Variants in GEN1 observed in about 807,000 individuals in gnomAD.
GEN1 encodes GEN1 structure-specific endonuclease.
In GEN1, 64 loss-of-function variants were observed where a neutral mutation model predicts 67.6. The ratio of observed to expected loss-of-function variants is 0.95; its 90% CI spans 0.77 to 1.17. GEN1 has a LOEUF of 1.17. GEN1 is among the 50% of genes most tolerant of loss of function. GEN1 has a pLI of 0.00. For missense variants in GEN1, 1,058 were observed against 1,048.3 expected (o/e 1.01, Z -0.13); for synonymous variants, 371 against 359.4 (o/e 1.03, Z -0.37).
rs1341378785 is a variant in GEN1, at chr2:17,781,836, T to C, written c.2624T>C (p.Leu875Pro). The stretch of plus-strand genomic sequence containing the variant: ...TTCCCAGATTCAACAAAAAGTTCTC[T>C]GAGTTCTCTACAATGTCATAAGAAA... ...SCFPDSTKSSLSSLQCHKKEN... is the reference protein window; with the variant it reads ...SCFPDSTKSSPSSLQCHKKEN... Residue 875 changes from leucine (L) to proline (P), a missense_variant, in exon 14 of 14, where the codon CTG (leucine) becomes CCG (proline). Leu to Pro is a moderately conservative substitution (Grantham distance 98). Coordinates refer to ENST00000381254, the MANE Select transcript of GEN1 (RefSeq NM_001130009.3). The C allele has an allele frequency of 2.5e-6, 4 of 1,612,492 alleles. No individual in the cohort carries two copies. The highest frequency in any genetic ancestry group is 1.7e-4 in the Middle Eastern group (1 of 6,052).
intron 6 of GEN1, among the ~76,000 whole-genome samples, chr2:17,769,449 G>A (rs1672085692): frequency 1.3e-5 from 2 of 152,062 alleles, no homozygotes; most frequent in South Asian, 4.1e-4. Context: ...GTGCATTTAT[G>A]TATGACCATG....
chr2:17,781,048 A>C lies in GEN1; in HGVS notation c.1836A>C (p.Ser612=). The change falls in exon 14 of 14, where the codon TCA becomes TCC. Residue 612 remains serine (S), a synonymous_variant. Coordinates refer to ENST00000381254, the MANE Select transcript of GEN1 (RefSeq NM_001130009.3). ...QRNTFSHDLK[S]EVESELSAIP... ...ATACTTTTTCTCATGATTTAAAATC[A>C]GAAGTTGAATCAGAGCTATCAGCCA... 6.2e-7 allele frequency: 1 copy of C among 1,613,960 alleles called. No homozygotes were observed. The highest frequency in any genetic ancestry group is 8.5e-7 in the Non-Finnish European group (1 of 1,179,846).
chr2:17,781,460 G>T lies in GEN1; in HGVS notation c.2248G>T (p.Val750Phe), dbSNP rs1047211166. The change falls in exon 14 of 14, where the codon GTC becomes TTC. Residue 750 changes from valine (V) to phenylalanine (F), a missense_variant. Val to Phe is a conservative substitution (Grantham distance 50). Transcript: ENST00000381254. ...CCAGCTGCTTCAAGAAGACTATAAA[G>T]TCAATACTTCTGTCCCTTATTCTGT... ...GDQLLQEDYK[V>F]NTSVPYSVSN... 3.1e-6 allele frequency: 5 copies of T among 1,613,508 alleles called. No individual in the cohort carries two copies. Among genetic ancestry groups the T allele is most frequent in the Non-Finnish European group, 4.2e-6 (5 of 1,179,896 alleles).
In GEN1 at chr2:17,774,304, C is replaced by A. The variant is rs969651428; in HGVS notation, c.1105C>A (p.His369Asn). 6.3e-7 allele frequency: 1 copy of A among 1,587,770 alleles called. No individual in the cohort carries two copies. The highest frequency in any genetic ancestry group is 1.1e-5 in the South Asian group (1 of 88,210). Reference protein sequence around the residue: ...FTLEKMEWPNHYACEKLLVLL... With the variant: ...FTLEKMEWPNNYACEKLLVLL... ...TCTTGAAAAAATGGAGTGGCCCAAT[C>A]ACTATGCATGTGAGAAATTGCTGGT... is the stretch of plus-strand genomic sequence containing the variant. The change falls in exon 11 of 14, where the codon CAC becomes AAC. Residue 369 changes from histidine to asparagine, a missense_variant. By Grantham distance (68) the His-to-Asn change is moderately conservative. Transcript: ENST00000381254.
intron 3 of GEN1, among the ~76,000 whole-genome samples, chr2:17,764,205 G>A (rs180860408): frequency 2.5e-3 from 378 of 152,240 alleles, no homozygotes; most frequent in African/African-American, 7.0e-3. Context: ...TGACTTCTCC[G>A]CAGTTTCCCA....
chr2:17,761,269 C>G (rs1470498130), intron 2 of GEN1, 127 bp from the exon 3 acceptor site: 3 of 595,596 alleles, frequency 5.0e-6, no homozygotes, highest in Non-Finnish European at 8.9e-6. Flanking sequence ...CTAATTAAAG[C>G]TTAAGTAAAA....
chr2:17,768,937 GTTTGA>G, intron 6 of GEN1, 126 bp downstream of exon 6: 9 of 506,516 alleles, frequency 1.8e-5, no homozygotes, highest in Middle Eastern at 5.1e-4. Flanking sequence ...CCTATATTTT[GTTTGA>G]TTTAAGATAA....
intron 7 of GEN1, among the ~76,000 whole-genome samples, chr2:17,772,272 C>A (rs1181661623): frequency 1.3e-5 from 2 of 151,986 alleles, no homozygotes; most frequent in African/African-American, 2.4e-5. Context: ...AGTAAATAAT[C>A]TTTTTTGCTA....
chr2:17,762,511 T>C lies in GEN1; in HGVS notation c.348+929T>C, dbSNP rs140725622. Among the ~76,000 whole-genome samples the C allele has an allele frequency of 5.9e-5, 9 of 152,188 alleles. No individual in the cohort carries two copies. In the East Asian group the frequency reaches 1.5e-3, roughly 26 times the overall value. The stretch of plus-strand genomic sequence containing the variant: ...TGTGAGCCCCTGTGCCTGGCCTTTT[T>C]TGTCTGTTTTCAAATGTGTGTATTT... On this transcript the variant is annotated intron_variant, in intron 3 of 13. Transcript: ENST00000381254.
At position 17,757,484 on chromosome 2, in the gene GEN1, A is replaced by G. The variant is rs147207782; in HGVS notation, c.-15-2445A>G. 3.2e-3 allele frequency among the ~76,000 whole-genome samples: 491 copies of G among 152,218 alleles called. 4 individuals are homozygous for G. The highest frequency in any genetic ancestry group is 0.011 in the African/African-American group (457 of 41,550). Reference sequence around the variant, plus strand: ...TGTGTGCCATCATAAACATCACTGCACTAGGTGGCAATCTTCACTACTATT... The same window carrying G: ...TGTGTGCCATCATAAACATCACTGCGCTAGGTGGCAATCTTCACTACTATT... On this transcript the variant is annotated intron_variant, in intron 1 of 13. Coordinates refer to ENST00000381254, the MANE Select transcript of GEN1 (RefSeq NM_001130009.3).
intron 3 of GEN1, 85 bp from the exon 4 acceptor site, chr2:17,764,812 T>C (rs762297788): frequency 1.9e-5 from 24 of 1,231,238 alleles, no homozygotes; most frequent in Non-Finnish European, 2.6e-5. Flanking sequence ...ACTATTAATA[T>C]TTGTAATACA....
intron 4 of GEN1, among the ~76,000 whole-genome samples, chr2:17,765,500 A>G (rs967635041): frequency 6.6e-6 from 1 of 152,240 alleles, no homozygotes; most frequent in Non-Finnish European, 1.5e-5. Context: ...GGACATGGTT[A>G]AATCCTTCAC....
intron 11 of GEN1, among the ~76,000 whole-genome samples, chr2:17,775,932 A>G (rs1310473626): frequency 2.6e-5 from 4 of 151,870 alleles, no homozygotes; most frequent in Non-Finnish European, 5.9e-5. Context: ...TGAGCTCAGG[A>G]GTTCAAGACC....
In GEN1 at chr2:17,778,167, G is replaced by C. The variant is rs1425630079; in HGVS notation, c.1264+104G>C. 102 of 441,810 alleles carry C rather than the reference G, an allele frequency of 2.3e-4. No individual in the cohort carries two copies. The African/African-American group carries it at 2.7e-3, about 12-fold the overall frequency. The allele number at this position is 441,810 out of a possible 1,614,324, so 27.4% of individuals were successfully genotyped here. On this transcript the variant is annotated intron_variant, in intron 12 of 13. Transcript: ENST00000381254. ...ATATATATATATACACACACACATA[G>C]ATATGTGTATATATATATATACACA...
rs549330506 is a variant in GEN1 at position 17,787,041 on chromosome 2, G to C, written c.*5102G>C. On this transcript the variant is annotated 3_prime_UTR_variant, in exon 14 of 14. Coordinates refer to ENST00000381254, the MANE Select transcript of GEN1 (RefSeq NM_001130009.3). The stretch of plus-strand genomic sequence containing the variant: ...ATGAACCTTGGCTCTAGCCACCTAA[G>C]ACCATTTGTTATTCCCTGCACGGAT... The C allele has an allele frequency of 3.9e-5, 6 of 152,268 alleles. No individual in the cohort carries two copies. The highest frequency in any genetic ancestry group is 1.4e-4 in the African/African-American group (6 of 41,532). The allele number at this position is 152,268 out of a possible 1,614,324, so 9.4% of individuals were successfully genotyped here.
chr2:17,760,359 C>T (rs755515892), intron 2 of GEN1, among the ~76,000 whole-genome samples: 35 of 152,276 alleles, frequency 2.3e-4, no homozygotes, highest in Middle Eastern at 3.4e-3. Context: ...TACTAAAAGC[C>T]GGAGATTTGG....
In GEN1 at chr2:17,778,260, ATG is replaced by A. The variant is rs1388213641; in HGVS notation, c.1264+203_1264+204del. Among the ~76,000 whole-genome samples, 5 of 37,280 alleles carry A rather than the reference ATG, an allele frequency of 1.3e-4. 1 individual carries two copies. Among genetic ancestry groups the A allele is most frequent in the African/African-American group, 1.9e-4 (3 of 15,646 alleles). The allele number at this position is 37,280 out of a possible 152,430, so 24.5% of individuals were successfully genotyped here. ...TGTGTACATATATGTATACACACAT[ATG>A]TGTGTACATATATGTATATACACAC... is the stretch of plus-strand genomic sequence containing the variant. On this transcript the variant is annotated intron_variant, in intron 12 of 13. Transcript: ENST00000381254.
chr2:17,781,887 A>C lies in GEN1; in HGVS notation c.2675A>C (p.Asp892Ala). 6.3e-7 allele frequency: 1 copy of C among 1,588,726 alleles called. No homozygotes were observed. The highest frequency in any genetic ancestry group is 8.5e-7 in the Non-Finnish European group (1 of 1,172,920). ...KKENNSGTCL[D>A]SPLPLRQRLK... is the part of the protein sequence containing the mutation. The stretch of plus-strand genomic sequence containing the variant: ...GAAAACAACTCTGGTACTTGTTTGG[A>C]TAGCCCTCTTCCTTTACGCCAGAGA... The change falls in exon 14 of 14, where the codon GAT (aspartate) becomes GCT (alanine). Residue 892 changes from aspartate (D) to alanine (A), a missense_variant. Physicochemically the swap from Asp to Ala is moderately radical, Grantham distance 126 (BLOSUM62 -2). Coordinates refer to ENST00000381254, the MANE Select transcript of GEN1 (RefSeq NM_001130009.3).
Position 17,781,501 on chromosome 2 carries a change from A to G in GEN1, c.2289A>G (p.Val763=). ...CTTATTCTGTCAGTAACACAGTGGTAAAGACCTGCAATGTTAGACCACCAA... is the reference window on the plus strand; with the variant it reads ...CTTATTCTGTCAGTAACACAGTGGTGAAGACCTGCAATGTTAGACCACCAA... The part of the protein sequence containing the change: ...SVPYSVSNTV[V]KTCNVRPPNT... Residue 763 remains valine, a synonymous_variant, in exon 14 of 14, where the codon GTA becomes GTG. Coordinates refer to ENST00000381254, the MANE Select transcript of GEN1 (RefSeq NM_001130009.3). 2.5e-6 allele frequency: 4 copies of G among 1,613,646 alleles called. No individual in the cohort carries two copies. Among genetic ancestry groups the G allele is most frequent in the Non-Finnish European group, 3.4e-6 (4 of 1,179,924 alleles).
Sources: gnomAD v4.1 joint callset for allele counts (sites outside exome capture counted in the v4.1 genomes callset) on GRCh38, gnomAD v4.1.1 for gene constraint, MANE v1.5 for transcripts, NCBI Gene and HGNC (gene_info 2026-07-23, HGNC 2026-07-21) for gene names.